BIRC6: variants seen among roughly 807,000 people sequenced by gnomAD.
The protein encoded by BIRC6 is dual E2 ubiquitin-conjugating enzyme/E3 ubiquitin-protein ligase BIRC6.
A neutral mutation model predicts 503.3 loss-of-function variants in BIRC6; 98 were observed. The ratio of observed to expected loss-of-function variants is 0.19; its 90% CI spans 0.17 to 0.23. The LOEUF (loss-of-function observed/expected upper bound fraction) is 0.23, where lower values mean the gene tolerates loss of function less well. BIRC6 is among the 10% of genes least tolerant of loss of function. The pLI is 1.00. For missense variants in BIRC6, 5,360 were observed against 5,806.0 expected (o/e 0.92, Z 2.50); for synonymous variants, 2,240 against 2,078.7 (o/e 1.08, Z -2.11).
chr2:32,572,835 G>A (rs1055892173), intron 65 of BIRC6, among the ~76,000 whole-genome samples: 3 of 152,148 alleles, frequency 2.0e-5, no homozygotes, highest in Non-Finnish European at 2.9e-5. Context: ...CACTTTGAAC[G>A]TCACTCCAAG....
At chr2:32,384,762 A>G (rs1488147000) in intron 3 of BIRC6, among the ~76,000 whole-genome samples, 1 of 152,192 alleles carries the variant, frequency 6.6e-6, no homozygotes, top group South Asian at 2.1e-4. Context: ...ATCTGTTGCC[A>G]TGGTATTTTG....
intron 32 of BIRC6, among the ~76,000 whole-genome samples, chr2:32,471,795 T>C (rs142772066): frequency 6.2e-4 from 95 of 152,270 alleles, no homozygotes; most frequent in African/African-American, 2.2e-3. Flanking sequence ...CTACATATGC[T>C]TACATATGGC....
At chr2:32,477,230 T>C (rs1294892876) in intron 34 of BIRC6, 138 bp from the exon 35 acceptor site, 1 of 704,356 alleles carries the variant, frequency 1.4e-6, no homozygotes, top group Non-Finnish European at 2.3e-6. Context: ...TTCTTACTTT[T>C]GAAACTTACA....
intron 65 of BIRC6, among the ~76,000 whole-genome samples, chr2:32,562,863 CT>C (rs921325098): frequency 2.6e-5 from 4 of 152,032 alleles, no homozygotes; most frequent in African/African-American, 4.8e-5. Context: ...TGATTGCTTC[CT>C]TTTTTTGGCA....
At chr2:32,443,219 A>G (rs1489838819) in intron 19 of BIRC6, among the ~76,000 whole-genome samples, 1 of 152,182 alleles carries the variant, frequency 6.6e-6, no homozygotes, top group African/African-American at 2.4e-5. Flanking sequence ...AAAGGTTCCT[A>G]CTTGCTACTG....
At chr2:32,543,619 CA>C in intron 62 of BIRC6, 78 bp downstream of exon 62, 5 of 1,367,378 alleles carry the variant, frequency 3.7e-6, no homozygotes, top group Non-Finnish European at 5.0e-6. Context: ...GCCTATTATT[CA>C]TCATTTATTT....
intron 71 of BIRC6, among the ~76,000 whole-genome samples, chr2:32,603,457 G>A (rs2062201411): frequency 6.6e-6 from 1 of 152,190 alleles, no homozygotes; most frequent in South Asian, 2.1e-4. Context: ...GCACAGGTGT[G>A]TTGGCACAGC....
At chr2:32,566,186 C>T (rs891057488) in intron 65 of BIRC6, 2 of 152,138 alleles carry the variant, frequency 1.3e-5, no homozygotes, top group Non-Finnish European at 2.9e-5. Context: ...TGCTCCAGTA[C>T]AGCATAAAGC....
chr2:32,499,499 A>C, intron 45 of BIRC6, 48 bp from the exon 46 acceptor site: 1 of 1,236,274 alleles, frequency 8.1e-7, no homozygotes, highest in Non-Finnish European at 1.1e-6. Context: ...CTCTTGTTGT[A>C]TCTCTCTCTC....
chr2:32,407,995 T>G (rs2041434379), intron 9 of BIRC6, among the ~76,000 whole-genome samples: 1 of 151,768 alleles, frequency 6.6e-6, no homozygotes, highest in Admixed American at 6.6e-5. Context: ...TGAGACAGAG[T>G]CTTGCTCTGT....
At chr2:32,536,937 C>T (rs1053240904) in intron 61 of BIRC6, among the ~76,000 whole-genome samples, 4 of 152,020 alleles carry the variant, frequency 2.6e-5, no homozygotes, top group African/African-American at 9.7e-5. Context: ...TTTATTTCAT[C>T]GAGCAGTGAT....
chr2:32,467,118 CA>C (rs1207152761), intron 26 of BIRC6, among the ~76,000 whole-genome samples: 1,446 of 82,006 alleles, frequency 0.018, 9 homozygotes, highest in Middle Eastern at 0.034. Flanking sequence ...GACTCCGTCT[CA>C]AAAAAAAAAA....
intron 65 of BIRC6, among the ~76,000 whole-genome samples, chr2:32,570,430 C>A (rs867540985): frequency 1.6e-4 from 25 of 152,144 alleles, no homozygotes; most frequent in Middle Eastern, 3.4e-3. Flanking sequence ...GCAATTCACT[C>A]ACCTTGGCCT....
chr2:32,473,297 C>A (rs2049310242), intron 33 of BIRC6, 58 bp downstream of exon 33: 3 of 1,385,772 alleles, frequency 2.2e-6, no homozygotes, highest in South Asian at 1.4e-5. Context: ...TTGGAGTTTG[C>A]ATGAGACAGA....
intron 15 of BIRC6, among the ~76,000 whole-genome samples, chr2:32,437,151 A>G (rs541146641): frequency 2.1e-3 from 315 of 152,060 alleles, no homozygotes; most frequent in African/African-American, 7.1e-3. Flanking sequence ...CGGTCCCCCA[A>G]AGTGTTAGGA....
intron 16 of BIRC6, among the ~76,000 whole-genome samples, chr2:32,440,024 G>A (rs12470811): frequency 0.069 from 10,465 of 152,144 alleles, 490 homozygotes; most frequent in Admixed American, 0.15. Context: ...GATCACAGGC[G>A]TGTGCCACCA....
chr2:32,460,224 C>CAT (rs752744755), intron 23 of BIRC6, among the ~76,000 whole-genome samples: 13 of 100,696 alleles, frequency 1.3e-4, no homozygotes, highest in African/African-American at 5.0e-4. Context: ...ATATATATCT[C>CAT]ATATGATATA....
rs748417092 is a variant in BIRC6, at chr2:32,481,413, T to C, written c.7502T>C (p.Ile2501Thr). ...LMEVDIDPLD[I>T]DLEKDPLAAK... ...GAAGTTGACATTGATCCTTTAGATA[T>C]TGATTTGGAAAAGGACCCTCTTGCA... is the stretch of plus-strand genomic sequence containing the variant. Residue 2501 changes from isoleucine to threonine, a missense_variant, in exon 38 of 74, where the codon ATT becomes ACT. This residue lies in a region of BIRC6 where 2,299 missense variants were observed against 2,267.2 expected (regional missense o/e 1.01). Coordinates refer to ENST00000421745, the MANE Select transcript of BIRC6 (RefSeq NM_016252.4). 1.1e-5 allele frequency: 18 copies of C among 1,612,264 alleles called. No homozygotes were observed. The highest frequency in any genetic ancestry group is 2.2e-5 in the East Asian group (1 of 44,756).
chr2:32,549,856 A>G (rs1469499981), intron 65 of BIRC6, among the ~76,000 whole-genome samples: 1 of 152,202 alleles, frequency 6.6e-6, no homozygotes, highest in Admixed American at 6.5e-5. Context: ...CGCAGACAAC[A>G]GTTATTTTTG....
Sources: gnomAD v4.1 joint callset for allele counts (sites outside exome capture counted in the v4.1 genomes callset) on GRCh38, gnomAD v4.1.1 for gene constraint, gnomAD v4.1.1 regional missense constraint, MANE v1.5 for transcripts, NCBI Gene and HGNC (gene_info 2026-07-23, HGNC 2026-07-21) for gene names.